The following TTC27 variants were observed in gnomAD, a reference collection of about 807,000 sequenced individuals.
TTC27 encodes tetratricopeptide repeat domain 27.
TTC27 carries 79 observed loss-of-function variants against 115.9 expected under a neutral mutation model. The observed-to-expected ratio is 0.68, with a 90% CI of 0.57 to 0.82. TTC27 has a LOEUF of 0.82. Ranked by LOEUF, TTC27 falls within the 40% of genes least tolerant of loss-of-function variation. The pLI is 0.00. For synonymous variants in TTC27, 401 were observed against 356.0 expected, an observed-to-expected ratio of 1.13 and a Z score of -1.42; for missense variants, 1,054 against 993.1, an observed-to-expected ratio of 1.06 and a Z score of -0.82.
At chr2:32,665,231 C>G (rs1216235050) in intron 6 of TTC27, among the ~76,000 whole-genome samples, 1 of 152,034 alleles carries the variant, frequency 6.6e-6, no homozygotes, top group East Asian at 1.9e-4. Context: ...GTGGGCTTGT[C>G]TTGGATCTTA....
At chr2:32,810,447 T>C (rs904215705) in intron 16 of TTC27, among the ~76,000 whole-genome samples, 4 of 152,118 alleles carry the variant, frequency 2.6e-5, no homozygotes, top group African/African-American at 7.2e-5. Context: ...AAAATCAAAT[T>C]AGTAGTTGTG....
intron 19 of TTC27, among the ~76,000 whole-genome samples, chr2:32,817,957 T>G (rs988893926): frequency 2.6e-5 from 4 of 151,950 alleles, no homozygotes; most frequent in African/African-American, 9.7e-5. Flanking sequence ...CTCAGGAGGC[T>G]GAGGCAGGAG....
intron 9 of TTC27, among the ~76,000 whole-genome samples, chr2:32,686,771 C>G (rs1353420510): frequency 6.6e-6 from 1 of 152,136 alleles, no homozygotes; most frequent in Non-Finnish European, 1.5e-5. Flanking sequence ...GGGGAATGAT[C>G]AAAGGCAGAA....
At chr2:32,738,879 A>G (rs894583555) in intron 12 of TTC27, among the ~76,000 whole-genome samples, 1 of 152,252 alleles carries the variant, frequency 6.6e-6, no homozygotes, top group African/African-American at 2.4e-5. Context: ...ACTGAGATGT[A>G]TGAAGAAAGG....
chr2:32,667,166 C>T (rs1402415389), intron 7 of TTC27, among the ~76,000 whole-genome samples: 1 of 152,028 alleles, frequency 6.6e-6, no homozygotes, highest in Non-Finnish European at 1.5e-5. Context: ...ATCTCTTAGG[C>T]TTTTTCTAAA....
At chr2:32,812,669 A>G (rs1671357645) in intron 18 of TTC27, 54 bp downstream of exon 18, 1 of 1,340,584 alleles carries the variant, frequency 7.5e-7, no homozygotes, top group South Asian at 1.2e-5. Flanking sequence ...TTTTCTACTG[A>G]CAGAAAAGAG....
intron 17 of TTC27, among the ~76,000 whole-genome samples, chr2:32,811,492 A>G (rs1671315268): frequency 6.6e-6 from 1 of 152,116 alleles, no homozygotes; most frequent in South Asian, 2.1e-4. Flanking sequence ...CACCCCTACT[A>G]AATCTGCAGC....
intron 9 of TTC27, among the ~76,000 whole-genome samples, chr2:32,686,110 A>G (rs10469865): frequency 2.4e-3 from 370 of 152,354 alleles, no homozygotes; most frequent in African/African-American, 8.4e-3. Flanking sequence ...TCAAATATTT[A>G]CAAATAATTA....
At chr2:32,779,219 T>C (rs991595856) in intron 14 of TTC27, among the ~76,000 whole-genome samples, 3 of 141,816 alleles carry the variant, frequency 2.1e-5, no homozygotes, top group Non-Finnish European at 4.6e-5. Context: ...CAAGATTCTG[T>C]CTCAAAAAAA....
chr2:32,760,718 A>G (rs548580205), intron 13 of TTC27, among the ~76,000 whole-genome samples: 31 of 152,270 alleles, frequency 2.0e-4, no homozygotes, highest in African/African-American at 7.2e-4. Flanking sequence ...AGTTTACCCT[A>G]GCTGCAGTTG....
chr2:32,772,761 T>G (rs1669871111), intron 13 of TTC27, among the ~76,000 whole-genome samples: 1 of 152,214 alleles, frequency 6.6e-6, no homozygotes, highest in Non-Finnish European at 1.5e-5. Context: ...GTTGAAGTGC[T>G]TCTATATTCC....
intron 5 of TTC27, among the ~76,000 whole-genome samples, chr2:32,650,512 C>T (rs938518490): frequency 2.0e-5 from 3 of 151,758 alleles, no homozygotes; most frequent in African/African-American, 4.8e-5. Context: ...ATGATTTTAT[C>T]TCAAATTGTT....
At chr2:32,755,756 C>T (rs573538226) in intron 12 of TTC27, among the ~76,000 whole-genome samples, 2 of 152,262 alleles carry the variant, frequency 1.3e-5, no homozygotes, top group African/African-American at 4.8e-5. Context: ...AAAATAAATT[C>T]TTTTAGATAA....
chr2:32,647,413 G>T (rs537355065), intron 4 of TTC27, among the ~76,000 whole-genome samples: 1 of 152,152 alleles, frequency 6.6e-6, no homozygotes, highest in Non-Finnish European at 1.5e-5. Context: ...GATAGGAAAA[G>T]AATGAAAATG....
chr2:32,631,454 T>C (rs1251814566), intron 2 of TTC27, among the ~76,000 whole-genome samples: 3 of 152,232 alleles, frequency 2.0e-5, no homozygotes, highest in African/African-American at 7.2e-5. Context: ...TTGGTTTACC[T>C]TCTTCCATTA....
chr2:32,761,444 T>G (rs1294100449), intron 13 of TTC27, among the ~76,000 whole-genome samples: 2 of 152,164 alleles, frequency 1.3e-5, no homozygotes, highest in African/African-American at 4.8e-5. Flanking sequence ...CATTTATCTT[T>G]CAAACTCAGG....
At chr2:32,670,601 G>GT (rs1433193644) in intron 7 of TTC27, among the ~76,000 whole-genome samples, 4 of 150,976 alleles carry the variant, frequency 2.6e-5, no homozygotes, top group Admixed American at 1.3e-4. Context: ...TTGTGTGAAC[G>GT]TAAGTTTTTT....
intron 8 of TTC27, among the ~76,000 whole-genome samples, chr2:32,674,144 A>G (rs563021001): frequency 1.3e-4 from 20 of 152,146 alleles, no homozygotes; most frequent in Non-Finnish European, 2.5e-4. Context: ...ACATTTGAAA[A>G]AATCTTGTTC....
chr2:32,678,807 C>T (rs1288137965), intron 8 of TTC27, 49 bp from the exon 9 acceptor site: 1 of 1,362,676 alleles, frequency 7.3e-7, no homozygotes, highest in Non-Finnish European at 1.0e-6. Flanking sequence ...ATTTCATTAG[C>T]TACAACATGC....
Sources: allele counts gnomAD v4.1 joint callset (sites outside exome capture counted in the v4.1 genomes callset), GRCh38; gene constraint gnomAD v4.1.1; transcripts MANE v1.5; gene names NCBI Gene and HGNC (gene_info 2026-07-23, HGNC 2026-07-21).